Variants in MYO16 observed in about 807,000 individuals in gnomAD.
MYO16 encodes myosin XVI.
MYO16 carries 94 observed loss-of-function variants against 205.3 expected under a neutral mutation model. That is an observed-to-expected ratio of 0.46 (90% CI 0.39 to 0.54). The LOEUF (loss-of-function observed/expected upper bound fraction) is 0.54, where lower values mean the gene tolerates loss of function less well. Among genes scored for constraint, MYO16 ranks in the 20% least tolerant of loss-of-function variants. The pLI, the probability that MYO16 is intolerant of heterozygous loss-of-function variation, is 0.00. For synonymous variants in MYO16, 988 were observed against 954.0 expected, an observed-to-expected ratio of 1.04 and a Z score of -0.66; for missense variants, 2,315 against 2,387.5, an observed-to-expected ratio of 0.97 and a Z score of 0.63.
At chr13:108,525,262 T>C in the MYO16 span, among the ~76,000 whole-genome samples, 1 of 152,216 alleles carries the variant, frequency 6.6e-6, no homozygotes, top group Non-Finnish European at 1.5e-5. Flanking sequence ...GTTTTATGTA[T>C]AGACTAGGAT....
At chr13:108,764,265 TG>T in intron 4 of MYO16, among the ~76,000 whole-genome samples, 1 of 152,308 alleles carries the variant, frequency 6.6e-6, no homozygotes, top group African/African-American at 2.4e-5. Context: ...ATATAGGTGT[TG>T]GTGCCATAAT....
intron 4 of MYO16, among the ~76,000 whole-genome samples, chr13:108,783,588 A>T (rs1258266692): frequency 1.3e-5 from 2 of 152,150 alleles, no homozygotes; most frequent in African/African-American, 2.4e-5. Flanking sequence ...CCAGGGGCAG[A>T]ATGATGTAGT....
intron 1 of MYO16, among the ~76,000 whole-genome samples, chr13:108,608,051 G>A (rs985992827): frequency 2.6e-5 from 4 of 152,146 alleles, no homozygotes; most frequent in South Asian, 2.1e-4. Flanking sequence ...AGCTAGTTGG[G>A]ATCTCTTTCC....
chr13:108,986,068 G>A (rs1415070462), intron 20 of MYO16, among the ~76,000 whole-genome samples: 1 of 152,106 alleles, frequency 6.6e-6, no homozygotes, highest in Non-Finnish European at 1.5e-5. Flanking sequence ...GAGAGCGTGT[G>A]CAAAAGGAAC....
chr13:108,545,314 C>G, the MYO16 span, among the ~76,000 whole-genome samples: 7 of 152,268 alleles, frequency 4.6e-5, no homozygotes, highest in South Asian at 1.2e-3. Flanking sequence ...GTTCCATCCA[C>G]GTTGCTGCAT....
At chr13:108,829,996 A>G (rs1417760698) in intron 9 of MYO16, among the ~76,000 whole-genome samples, 1 of 143,312 alleles carries the variant, frequency 7.0e-6, no homozygotes, top group East Asian at 2.0e-4. Context: ...GCAGCCAAAA[A>G]ACACATGAAA....
chr13:109,056,964 C>T (rs1379054013), intron 27 of MYO16, among the ~76,000 whole-genome samples: 3 of 151,840 alleles, frequency 2.0e-5, no homozygotes, highest in African/African-American at 7.3e-5. Flanking sequence ...TTTGATAAAC[C>T]ATTCATCCAA....
At chr13:108,832,014 C>T (rs951557655) in intron 9 of MYO16, among the ~76,000 whole-genome samples, 1 of 152,236 alleles carries the variant, frequency 6.6e-6, no homozygotes, top group Non-Finnish European at 1.5e-5. Flanking sequence ...GCTACAGCTG[C>T]TGTAACTTTG....
intron 23 of MYO16, among the ~76,000 whole-genome samples, chr13:109,032,420 G>T (rs539710640): frequency 6.6e-6 from 1 of 152,306 alleles, no homozygotes; most frequent in South Asian, 2.1e-4. Context: ...TCTTCCCAGG[G>T]CCAAAGGCCA....
chr13:108,905,540 C>T (rs1284235633), intron 15 of MYO16, among the ~76,000 whole-genome samples: 2 of 152,094 alleles, frequency 1.3e-5, no homozygotes, highest in Non-Finnish European at 2.9e-5. Flanking sequence ...TCTGTTTATC[C>T]AAGGTAAATC....
intron 20 of MYO16, among the ~76,000 whole-genome samples, chr13:108,982,496 A>G (rs1433707710): frequency 2.6e-5 from 4 of 152,240 alleles, no homozygotes; most frequent in Admixed American, 2.6e-4. Context: ...AAAAAAAAGT[A>G]AACAGCACTT....
chr13:108,632,209 T>C (rs760415877), intron 1 of MYO16, among the ~76,000 whole-genome samples: 1 of 152,158 alleles, frequency 6.6e-6, no homozygotes, highest in Admixed American at 6.6e-5. Context: ...TCTCCCATAT[T>C]GGGCTGATCT....
chr13:108,817,351 G>C (rs978967652), intron 7 of MYO16, among the ~76,000 whole-genome samples: 2 of 152,190 alleles, frequency 1.3e-5, no homozygotes, highest in African/African-American at 4.8e-5. Flanking sequence ...ACAATGAAGA[G>C]AGAAAGTGTC....
intron 11 of MYO16, among the ~76,000 whole-genome samples, chr13:108,864,353 G>T (rs563917236): frequency 4.6e-5 from 7 of 151,886 alleles, no homozygotes; most frequent in Admixed American, 4.6e-4. Context: ...AGTCTTATTT[G>T]CATTTTAATT....
intron 10 of MYO16, among the ~76,000 whole-genome samples, chr13:108,850,546 T>C (rs9521072): frequency 0.65 from 98,669 of 152,056 alleles, 32,574 homozygotes; most frequent in African/African-American, 0.7. Context: ...TTTGTACTTA[T>C]CTGGTAATTA....
intron 16 of MYO16, among the ~76,000 whole-genome samples, chr13:108,938,387 G>A (rs1882581349): frequency 6.6e-6 from 1 of 152,234 alleles, no homozygotes; most frequent in Non-Finnish European, 1.5e-5. Context: ...TCACTGCTCA[G>A]CCCTGGGGGT....
chr13:108,758,107 A>G (rs1437638808), intron 4 of MYO16, among the ~76,000 whole-genome samples: 1 of 152,184 alleles, frequency 6.6e-6, no homozygotes, highest in Non-Finnish European at 1.5e-5. Flanking sequence ...AAAAGGTGCT[A>G]TCTGTGAACC....
intron 23 of MYO16, among the ~76,000 whole-genome samples, chr13:109,040,631 A>T (rs1001777914): frequency 1.3e-5 from 2 of 152,150 alleles, no homozygotes; most frequent in African/African-American, 2.4e-5. Flanking sequence ...ATATCACAGG[A>T]TGAAGAAAAA....
chr13:108,956,431 G>T (rs1883350248), intron 16 of MYO16, among the ~76,000 whole-genome samples: 1 of 152,044 alleles, frequency 6.6e-6, no homozygotes, highest in Non-Finnish European at 1.5e-5. Flanking sequence ...GGGCTACCAG[G>T]ATATTCTTTC....
Sources: allele counts gnomAD v4.1 joint callset (sites outside exome capture counted in the v4.1 genomes callset), GRCh38; gene constraint gnomAD v4.1.1; transcripts MANE v1.5; gene names NCBI Gene and HGNC (gene_info 2026-07-23, HGNC 2026-07-21).